SYT10: variants seen among roughly 807,000 people sequenced by gnomAD.
SYT10 encodes synaptotagmin-10.
In SYT10, 31 loss-of-function variants were observed where a neutral mutation model predicts 51.1. That is an observed-to-expected ratio of 0.61 (90% confidence interval 0.46 to 0.82). The LOEUF is 0.82. SYT10 is among the 40% of genes least tolerant of loss of function. SYT10 has a pLI of 0.00. For missense variants in SYT10, 603 were observed against 634.0 expected (o/e 0.95, Z 0.53); for synonymous variants, 233 against 225.9 (o/e 1.03, Z -0.28).
Position 33,420,366 on chromosome 12 carries a change from C to A in SYT10, c.509+5772G>T, listed in dbSNP as rs1866491701. On this transcript the variant is annotated intron_variant, in intron 2 of 6. Transcript: ENST00000228567. The stretch of plus-strand genomic sequence containing the variant: ...CTAAGATTCCTGTGACTAATAAAAT[C>A]AAACTTCCCAAGCATTTATTCACAT... Among the ~76,000 whole-genome samples, 3 of 152,028 alleles carry A rather than the reference C, an allele frequency of 2.0e-5. 1 individual carries two copies. The South Asian group carries it at 6.2e-4, about 32-fold the overall frequency.
intron 4 of SYT10, among the ~76,000 whole-genome samples, chr12:33,382,762 C>T (rs2138384700): frequency 6.6e-6 from 1 of 152,090 alleles, no homozygotes; most frequent in African/African-American, 2.4e-5. Flanking sequence ...TGTACCTAGA[C>T]AGATAGAGAT....
In SYT10 at chr12:33,426,090, A is replaced by G. The variant is rs752351127; in HGVS notation, c.509+48T>C. 4.6e-6 allele frequency: 7 copies of G among 1,509,450 alleles called. No individual in the cohort carries two copies. The South Asian group carries it at 5.4e-5, about 12-fold the overall frequency. The allele number at this position is 1,509,450 out of a possible 1,614,324, so 93.5% of individuals were successfully genotyped here. On this transcript the variant is annotated intron_variant, in intron 2 of 6. Transcript: ENST00000228567. ...CACACACACACACACACACACACAC[A>G]CACACACACGCACACACACCAGTTT... is the stretch of plus-strand genomic sequence containing the variant.
intron 1 of SYT10, chr12:33,432,640 A>G (rs556862383): frequency 1.3e-5 from 2 of 152,210 alleles, no homozygotes; most frequent in African/African-American, 4.8e-5. Flanking sequence ...ATGACTACTA[A>G]AACATCACTA....
chr12:33,432,299 AG>A (rs1378616344), intron 1 of SYT10: 1 of 152,108 alleles, frequency 6.6e-6, no homozygotes, highest in Admixed American at 6.5e-5. Flanking sequence ...GATAAAACGT[AG>A]TACCAAATAT....
intron 3 of SYT10, among the ~76,000 whole-genome samples, chr12:33,406,561 T>C (rs1474369823): frequency 6.6e-6 from 1 of 152,182 alleles, no homozygotes; most frequent in Non-Finnish European, 1.5e-5. Context: ...CCAGTTCTGC[T>C]AATTTATAAG....
In SYT10 at chr12:33,425,862, T is replaced by A. The variant is rs545656126; in HGVS notation, c.509+276A>T. On this transcript the variant is annotated intron_variant, in intron 2 of 6. Coordinates refer to ENST00000228567, the MANE Select transcript of SYT10 (RefSeq NM_198992.4). ...ATAATAATCTGTAGTTACACGATTT[T>A]ACTGAGACCTCACATTCTGCTAAGC... 5.3e-5 allele frequency among the ~76,000 whole-genome samples: 8 copies of A among 152,292 alleles called. No individual in the cohort carries two copies. In the South Asian group the frequency reaches 1.7e-3, roughly 32 times the overall value.
At chr12:33,417,070 C>T (rs1449337757) in intron 2 of SYT10, among the ~76,000 whole-genome samples, 3 of 152,080 alleles carry the variant, frequency 2.0e-5, no homozygotes, top group Non-Finnish European at 2.9e-5. Flanking sequence ...TTAATTAAAA[C>T]TGAGAAGAGG....
chr12:33,407,403 G>A (rs771854874), intron 2 of SYT10, 47 bp from the exon 3 acceptor site: 45 of 1,572,790 alleles, frequency 2.9e-5, no homozygotes, highest in Non-Finnish European at 3.5e-5. Flanking sequence ...AGATCATTTT[G>A]ATGAGAATGT....
In SYT10 at chr12:33,409,658, C is replaced by A. The variant is rs1244392954; in HGVS notation, c.510-2302G>T. ...TCTTCCGAGTAGCTGGGACTACAGG[C>A]GCCCCCTACCACGCCCGGCTAATTT... On this transcript the variant is annotated intron_variant, in intron 2 of 6. Coordinates refer to ENST00000228567, the MANE Select transcript of SYT10 (RefSeq NM_198992.4). 2.0e-5 allele frequency among the ~76,000 whole-genome samples: 3 copies of A among 151,806 alleles called. No individual in the cohort carries two copies. The South Asian group carries it at 6.2e-4, about 32-fold the overall frequency.
Position 33,434,720 on chromosome 12 carries a change from G to C in SYT10, c.151+4652C>G, listed in dbSNP as rs551503472. ...CTTGGGAGGCTGAGGCAGGAGAATC[G>C]CTTGAACTTGGGAGGCGGAGGTTGT... On this transcript the variant is annotated intron_variant, in intron 1 of 6. Transcript: ENST00000228567. 2.0e-3 allele frequency among the ~76,000 whole-genome samples: 302 copies of C among 152,230 alleles called. 1 individual carries two copies. The highest frequency in any genetic ancestry group is 6.8e-3 in the African/African-American group (282 of 41,530).
chr12:33,428,774 C>T (rs1486125777), intron 1 of SYT10, among the ~76,000 whole-genome samples: 3 of 151,998 alleles, frequency 2.0e-5, no homozygotes, highest in African/African-American at 4.8e-5. Context: ...GGCGTGGTGG[C>T]GGGTGCCTGT....
chr12:33,413,967 C>T lies in SYT10; in HGVS notation c.510-6611G>A, dbSNP rs555122887. Reference sequence around the variant, plus strand: ...TCACATGCAGAGACACACATAGGCTCAAAGTAAAGGGATGGAGGAAGATCT... The same window carrying T: ...TCACATGCAGAGACACACATAGGCTTAAAGTAAAGGGATGGAGGAAGATCT... On this transcript the variant is annotated intron_variant, in intron 2 of 6. Coordinates refer to ENST00000228567, the MANE Select transcript of SYT10 (RefSeq NM_198992.4). 1.1e-3 allele frequency among the ~76,000 whole-genome samples: 161 copies of T among 151,926 alleles called. 3 individuals carry two copies. Among genetic ancestry groups the T allele is most frequent in the South Asian group, 6.3e-4 (3 of 4,798 alleles).
chr12:33,418,248 C>G (rs1216136995), intron 2 of SYT10, among the ~76,000 whole-genome samples: 1 of 152,168 alleles, frequency 6.6e-6, no homozygotes, highest in Non-Finnish European at 1.5e-5. Flanking sequence ...ACTCTCCTCA[C>G]TTGGCTTCCA....
chr12:33,379,562 AAAAAAAAAAAAAAAAAAAG>A lies in SYT10; in HGVS notation c.1500+251_1500+269del, dbSNP rs1386085106. 1.3e-3 allele frequency among the ~76,000 whole-genome samples: 186 copies of A among 143,376 alleles called. 3 individuals carry two copies. Among genetic ancestry groups the A allele is most frequent in the African/African-American group, 4.6e-3 (182 of 39,368 alleles). The allele number at this position is 143,376 out of a possible 152,430, so 94.1% of individuals were successfully genotyped here. A position where few individuals can be genotyped will look rare whatever the true frequency, so the allele number is the denominator to read the frequency against. On this transcript the variant is annotated intron_variant, in intron 6 of 6. Coordinates refer to ENST00000228567, the MANE Select transcript of SYT10 (RefSeq NM_198992.4). ...TTTCAGGCTATGCAAAAAAAAAAAA[AAAAAAAAAAAAAAAAAAAG>A]AGACTTGCAAATGGCTTACTGTCCA... is the stretch of plus-strand genomic sequence containing the variant.
chr12:33,390,671 CA>C, intron 3 of SYT10, among the ~76,000 whole-genome samples: 1 of 152,244 alleles, frequency 6.6e-6, no homozygotes, highest in South Asian at 2.1e-4. Flanking sequence ...TGTATACACA[CA>C]CACACACATA....
At chr12:33,395,808 G>C (rs940071631) in intron 3 of SYT10, among the ~76,000 whole-genome samples, 3 of 152,092 alleles carry the variant, frequency 2.0e-5, no homozygotes, top group African/African-American at 4.8e-5. Flanking sequence ...AATTATATTA[G>C]TTTCGGCAAT....
intron 5 of SYT10, 100 bp from the exon 6 acceptor site, chr12:33,380,061 G>A: frequency 7.5e-7 from 1 of 1,336,662 alleles, no homozygotes; most frequent in Non-Finnish European, 1.0e-6. Flanking sequence ...TAAAACATTA[G>A]ATTCTGTAAT....
rs1281519757 is a variant in SYT10 at position 33,382,355 on chromosome 12, T to A, written c.1364A>T (p.Tyr455Phe). Reference sequence around the variant, plus strand: ...AGAAGAGAGATACACATACCTATCGTAATCCATGACCGCAATGGAGAGGCT... The same window carrying A: ...AGAAGAGAGATACACATACCTATCGAAATCCATGACCGCAATGGAGAGGCT... ...QVSLSIAVMD[Y>F]DRVGHNEVIG... is the part of the protein sequence containing the mutation. The change falls in exon 5 of 7, where the codon TAC becomes TTC. Residue 455 changes from tyrosine to phenylalanine, a missense_variant. Tyr to Phe is a conservative substitution (Grantham distance 22). Transcript: ENST00000228567. 3 of 1,603,178 alleles carry A rather than the reference T, an allele frequency of 1.9e-6. No individual in the cohort carries two copies. Among genetic ancestry groups the A allele is most frequent in the Non-Finnish European group, 1.7e-6 (2 of 1,175,254 alleles).
chr12:33,406,214 A>G (rs1866351702), intron 3 of SYT10, among the ~76,000 whole-genome samples: 1 of 152,102 alleles, frequency 6.6e-6, no homozygotes, highest in South Asian at 2.1e-4. Context: ...TTGTAATGAA[A>G]AAGAAAAGTT....
Sources: gnomAD v4.1 joint callset for allele counts (sites outside exome capture counted in the v4.1 genomes callset) on GRCh38, gnomAD v4.1.1 for gene constraint, MANE v1.5 for transcripts, NCBI Gene and HGNC (gene_info 2026-07-23, HGNC 2026-07-21) for gene names.